The following TAFA1 variants were observed in gnomAD, a reference collection of about 807,000 sequenced individuals.
The protein encoded by TAFA1 is chemokine-like protein TAFA-1.
A neutral mutation model predicts 18.5 loss-of-function variants in TAFA1; 4 were observed. The observed-to-expected ratio is 0.22, with a 90% CI of 0.11 to 0.49. The LOEUF (loss-of-function observed/expected upper bound fraction) is 0.49, where lower values mean the gene tolerates loss of function less well. Among genes scored for constraint, TAFA1 ranks in the 20% least tolerant of loss-of-function variants. The pLI is 0.98. For missense variants in TAFA1, 147 were observed against 169.0 expected (o/e 0.87, Z 0.72); for synonymous variants, 56 against 55.2 (o/e 1.01, Z -0.06).
chr3:68,459,199 G>C (rs553229134), intron 3 of TAFA1, among the ~76,000 whole-genome samples: 1 of 152,324 alleles, frequency 6.6e-6, no homozygotes, highest in African/African-American at 2.4e-5. Context: ...CATTGCAGGA[G>C]CTGAGGGAAT....
intron 3 of TAFA1, among the ~76,000 whole-genome samples, chr3:68,492,209 G>A (rs1478651536): frequency 1.3e-5 from 2 of 152,124 alleles, no homozygotes; most frequent in Non-Finnish European, 2.9e-5. Context: ...TCCATAAAAG[G>A]ATTAAAAACG....
intron 2 of TAFA1, among the ~76,000 whole-genome samples, chr3:68,386,326 A>G (rs2070103120): frequency 6.6e-6 from 1 of 152,180 alleles, no homozygotes; most frequent in Non-Finnish European, 1.5e-5. Flanking sequence ...AATCGTAATC[A>G]TATCACATTT....
intron 2 of TAFA1, among the ~76,000 whole-genome samples, chr3:68,169,626 C>T (rs1436127882): frequency 6.6e-6 from 1 of 152,170 alleles, no homozygotes; most frequent in Non-Finnish European, 1.5e-5. Flanking sequence ...AATTCTATGG[C>T]TAAAGGCAAG....
At chr3:68,501,154 GAAAA>G (rs57247656) in intron 3 of TAFA1, among the ~76,000 whole-genome samples, 3 of 91,616 alleles carry the variant, frequency 3.3e-5, no homozygotes, top group African/African-American at 4.7e-5. Context: ...GACCCTGTCT[GAAAA>G]AAAAAAAAAA....
At chr3:68,417,466 T>C (rs1400888870) in intron 3 of TAFA1, 46 bp downstream of exon 3, 1 of 1,565,340 alleles carries the variant, frequency 6.4e-7, no homozygotes, top group Non-Finnish European at 8.7e-7. Context: ...TGGCATTCAC[T>C]ATACATAATA....
chr3:68,088,239 T>C (rs2064993579), intron 2 of TAFA1, among the ~76,000 whole-genome samples: 1 of 152,218 alleles, frequency 6.6e-6, no homozygotes, highest in African/African-American at 2.4e-5. Context: ...AAAAATAATA[T>C]AGCAATCATA....
chr3:68,514,147 C>A (rs1347352861), intron 3 of TAFA1, among the ~76,000 whole-genome samples: 1 of 152,006 alleles, frequency 6.6e-6, no homozygotes, highest in African/African-American at 2.4e-5. Flanking sequence ...GTCAAAAGGC[C>A]CTCCTCCTAA....
At chr3:68,283,278 T>G (rs528015383) in intron 2 of TAFA1, among the ~76,000 whole-genome samples, 72 of 152,340 alleles carry the variant, frequency 4.7e-4, no homozygotes, top group African/African-American at 1.7e-3. Flanking sequence ...TGAATCTGCA[T>G]ATGACTGGAG....
At chr3:68,100,719 TA>T (rs995658322) in intron 2 of TAFA1, among the ~76,000 whole-genome samples, 10 of 152,294 alleles carry the variant, frequency 6.6e-5, no homozygotes, top group African/African-American at 2.4e-4. Context: ...AATAAAGGGA[TA>T]TTTTTTGAAC....
chr3:68,035,030 T>C (rs1211108929), intron 2 of TAFA1, among the ~76,000 whole-genome samples: 1 of 152,210 alleles, frequency 6.6e-6, no homozygotes, highest in African/African-American at 2.4e-5. Flanking sequence ...ATAGGGCTGC[T>C]CATCCAGTGG....
At chr3:68,491,569 T>C (rs976767962) in intron 3 of TAFA1, among the ~76,000 whole-genome samples, 7 of 148,480 alleles carry the variant, frequency 4.7e-5, no homozygotes, top group Non-Finnish European at 7.5e-5. Flanking sequence ...AGGGATAGCA[T>C]TGGGAGATAT....
chr3:68,421,676 C>T (rs911079531), intron 3 of TAFA1, among the ~76,000 whole-genome samples: 5 of 152,050 alleles, frequency 3.3e-5, no homozygotes, highest in Non-Finnish European at 7.4e-5. Context: ...ATAGACATTT[C>T]TACTTTTTAA....
intron 3 of TAFA1, among the ~76,000 whole-genome samples, chr3:68,445,114 A>T (rs1442264568): frequency 1.3e-5 from 2 of 152,120 alleles, no homozygotes; most frequent in East Asian, 3.9e-4. Context: ...AGACATGCTG[A>T]TATTTACATC....
chr3:68,130,032 T>G (rs1433818226), intron 2 of TAFA1, among the ~76,000 whole-genome samples: 1 of 152,124 alleles, frequency 6.6e-6, no homozygotes, highest in Non-Finnish European at 1.5e-5. Flanking sequence ...AGGTTTCAGT[T>G]TGGAAACTGG....
At chr3:68,278,284 C>T (rs1024980542) in intron 2 of TAFA1, among the ~76,000 whole-genome samples, 3 of 152,018 alleles carry the variant, frequency 2.0e-5, no homozygotes, top group African/African-American at 7.2e-5. Context: ...GGATTTATTT[C>T]CAAACTGTTT....
At chr3:68,062,698 T>G (rs983873148) in intron 2 of TAFA1, among the ~76,000 whole-genome samples, 2 of 152,182 alleles carry the variant, frequency 1.3e-5, no homozygotes, top group African/African-American at 4.8e-5. Flanking sequence ...ATATTTCAGT[T>G]TGAAGTAGTA....
At chr3:68,315,308 T>G (rs1286738036) in intron 2 of TAFA1, among the ~76,000 whole-genome samples, 2 of 152,200 alleles carry the variant, frequency 1.3e-5, no homozygotes, top group African/African-American at 4.8e-5. Context: ...CATGCTTGAT[T>G]CTGTCATGTT....
chr3:68,003,283 A>G (rs1339289674), upstream of TAFA1, among the ~76,000 whole-genome samples: 5 of 152,226 alleles, frequency 3.3e-5, no homozygotes, highest in African/African-American at 1.2e-4. Flanking sequence ...GATGTGCAGC[A>G]GCATTGGACC....
chr3:68,330,909 G>A (rs189013947), intron 2 of TAFA1, among the ~76,000 whole-genome samples: 1,556 of 150,768 alleles, frequency 0.01, 41 homozygotes, highest in African/African-American at 0.035. Flanking sequence ...TTTCATATGT[G>A]TTTTTTTTTC....
Sources: gnomAD v4.1 joint callset for allele counts (sites outside exome capture counted in the v4.1 genomes callset) on GRCh38, gnomAD v4.1.1 for gene constraint, MANE v1.5 for transcripts, NCBI Gene and HGNC (gene_info 2026-07-23, HGNC 2026-07-21) for gene names.